The following SLCO3A1 variants were observed in gnomAD, a reference collection of about 807,000 sequenced individuals.
SLCO3A1 encodes PGE1 transporter.
A neutral mutation model predicts 63.1 loss-of-function variants in SLCO3A1; 27 were observed. That is an observed-to-expected ratio of 0.43 (90% CI 0.32 to 0.59). The LOEUF (loss-of-function observed/expected upper bound fraction) is 0.59, where lower values mean the gene tolerates loss of function less well. SLCO3A1 is among the 20% of genes least tolerant of loss of function. SLCO3A1 has a pLI of 0.09. For synonymous variants in SLCO3A1, 473 were observed against 409.9 expected (o/e 1.15, Z -1.86); for missense variants, 773 against 945.8 (o/e 0.82, Z 2.40).
At chr15:91,940,874 C>T (rs760900066) in intron 2 of SLCO3A1, among the ~76,000 whole-genome samples, 1 of 152,164 alleles carries the variant, frequency 6.6e-6, no homozygotes, top group Non-Finnish European at 1.5e-5. Context: ...CTCCTAACCA[C>T]CCCAGCATTT....
At chr15:92,146,335 CAT>C (rs2048222459) in intron 7 of SLCO3A1, among the ~76,000 whole-genome samples, 1 of 152,338 alleles carries the variant, frequency 6.6e-6, no homozygotes, top group South Asian at 2.1e-4. Context: ...TCTCTCTGAT[CAT>C]ATATTAATAA....
At chr15:92,019,606 G>C (rs1340670698) in intron 2 of SLCO3A1, among the ~76,000 whole-genome samples, 2 of 152,168 alleles carry the variant, frequency 1.3e-5, no homozygotes, top group Non-Finnish European at 2.9e-5. Context: ...GAGTTTGCTG[G>C]GTAGAAATCT....
intron 2 of SLCO3A1, among the ~76,000 whole-genome samples, chr15:92,016,999 A>G (rs1026941593): frequency 6.6e-6 from 1 of 152,124 alleles, no homozygotes; most frequent in African/African-American, 2.4e-5. Flanking sequence ...AGGAGAAGAA[A>G]AGGATACAGA....
chr15:91,978,819 C>G, intron 2 of SLCO3A1, among the ~76,000 whole-genome samples: 1 of 152,248 alleles, frequency 6.6e-6, no homozygotes, highest in Non-Finnish European at 1.5e-5. Flanking sequence ...TCAGTATCAT[C>G]TAGTTCAAGG....
chr15:91,963,190 C>G (rs987907462), intron 2 of SLCO3A1, among the ~76,000 whole-genome samples: 12 of 152,080 alleles, frequency 7.9e-5, no homozygotes, highest in African/African-American at 2.4e-4. Context: ...TGTCGTGCTT[C>G]GAGGCCCGGG....
chr15:91,944,325 C>G, intron 2 of SLCO3A1, among the ~76,000 whole-genome samples: 1 of 152,236 alleles, frequency 6.6e-6, no homozygotes, highest in Non-Finnish European at 1.5e-5. Context: ...AGATTCAGTA[C>G]CTGATTTCTG....
intron 7 of SLCO3A1, among the ~76,000 whole-genome samples, chr15:92,146,001 G>T (rs909009301): frequency 1.3e-5 from 2 of 152,122 alleles, no homozygotes; most frequent in African/African-American, 4.8e-5. Flanking sequence ...AGGACCAGAG[G>T]AGGAGAACTG....
chr15:92,024,530 A>T (rs73534396), intron 2 of SLCO3A1, among the ~76,000 whole-genome samples: 7,613 of 152,222 alleles, frequency 0.05, 657 homozygotes, highest in African/African-American at 0.17. Flanking sequence ...GTTCGTGTGT[A>T]TGTATTCATC....
intron 2 of SLCO3A1, among the ~76,000 whole-genome samples, chr15:92,078,274 C>T (rs999616837): frequency 6.6e-6 from 1 of 152,210 alleles, no homozygotes; most frequent in African/African-American, 2.4e-5. Flanking sequence ...AGCTGGCTAG[C>T]ACAGGGCCTG....
chr15:92,092,346 G>T (rs1200967184), intron 2 of SLCO3A1, among the ~76,000 whole-genome samples: 1 of 152,066 alleles, frequency 6.6e-6, no homozygotes, highest in Non-Finnish European at 1.5e-5. Context: ...TTTATTTAAG[G>T]GAAGAAGGGC....
At chr15:91,930,860 G>C (rs960068553) in intron 2 of SLCO3A1, among the ~76,000 whole-genome samples, 6 of 152,204 alleles carry the variant, frequency 3.9e-5, no homozygotes, top group African/African-American at 1.4e-4. Flanking sequence ...GATGCAAAGA[G>C]CTTGAGTAAA....
chr15:92,027,116 A>G (rs1401457097), intron 2 of SLCO3A1, among the ~76,000 whole-genome samples: 1 of 151,488 alleles, frequency 6.6e-6, no homozygotes, highest in African/African-American at 2.4e-5. Context: ...GGGGGGGTAC[A>G]TTATTAAACA....
At chr15:92,028,337 G>A (rs558113746) in intron 2 of SLCO3A1, among the ~76,000 whole-genome samples, 26 of 152,226 alleles carry the variant, frequency 1.7e-4, no homozygotes, top group Admixed American at 7.8e-4. Flanking sequence ...ACCAAAATCT[G>A]CCCCCCACCC....
chr15:92,109,048 C>A (rs2047698377), intron 4 of SLCO3A1, among the ~76,000 whole-genome samples: 1 of 152,140 alleles, frequency 6.6e-6, no homozygotes, highest in Non-Finnish European at 1.5e-5. Flanking sequence ...GTAGGTGATA[C>A]TGGTTGAATG....
chr15:92,018,660 G>A (rs1451875783), intron 2 of SLCO3A1, among the ~76,000 whole-genome samples: 2 of 152,222 alleles, frequency 1.3e-5, no homozygotes, highest in African/African-American at 4.8e-5. Flanking sequence ...GCAGGAGGGA[G>A]GACTGGCGTC....
chr15:92,074,632 C>T (rs1435831686), intron 2 of SLCO3A1, among the ~76,000 whole-genome samples: 1 of 152,176 alleles, frequency 6.6e-6, no homozygotes, highest in East Asian at 1.9e-4. Flanking sequence ...TGAGTTAGAA[C>T]CCCGATGCTC....
intron 2 of SLCO3A1, among the ~76,000 whole-genome samples, chr15:91,931,130 C>G (rs1240388930): frequency 1.3e-5 from 2 of 152,202 alleles, no homozygotes; most frequent in African/African-American, 2.4e-5. Context: ...AAGGAGACAG[C>G]CTTCCAAACC....
intron 2 of SLCO3A1, among the ~76,000 whole-genome samples, chr15:92,028,643 A>G (rs1486026608): frequency 6.6e-6 from 1 of 152,140 alleles, no homozygotes; most frequent in Non-Finnish European, 1.5e-5. Flanking sequence ...AGACAGCCCA[A>G]ATATAATCGT....
At chr15:92,105,387 C>A (rs1453862605) in intron 4 of SLCO3A1, among the ~76,000 whole-genome samples, 1 of 152,172 alleles carries the variant, frequency 6.6e-6, no homozygotes, top group African/African-American at 2.4e-5. Context: ...TTAACCCAGT[C>A]TTAATGACAC....
Sources: allele counts gnomAD v4.1 joint callset (sites outside exome capture counted in the v4.1 genomes callset), GRCh38; gene constraint gnomAD v4.1.1; transcripts MANE v1.5; gene names NCBI Gene and HGNC (gene_info 2026-07-23, HGNC 2026-07-21).